The following SNCAIP variants were observed in gnomAD, a reference collection of about 807,000 sequenced individuals.
SNCAIP encodes synphilin-1.
Under a neutral mutation model 86.7 loss-of-function variants are expected in SNCAIP, and 43 were observed. That is an observed-to-expected ratio of 0.50 (90% confidence interval 0.39 to 0.64). The LOEUF (loss-of-function observed/expected upper bound fraction) is 0.64. Among genes scored for constraint, SNCAIP ranks in the 30% least tolerant of loss-of-function variants. SNCAIP has a pLI of 0.00. For synonymous variants in SNCAIP, 417 were observed against 427.2 expected (o/e 0.98, Z 0.29); for missense variants, 981 against 1,103.1 (o/e 0.89, Z 1.57).
chr5:122,376,132 G>A (rs138318925), intron 1 of SNCAIP, among the ~76,000 whole-genome samples: 5 of 152,146 alleles, frequency 3.3e-5, no homozygotes, highest in East Asian at 1.9e-4. Flanking sequence ...AGTGACTCTC[G>A]TGCACTCTAA....
At chr5:122,334,665 G>T (rs527262677) in intron 1 of SNCAIP, among the ~76,000 whole-genome samples, 2 of 152,116 alleles carry the variant, frequency 1.3e-5, no homozygotes, top group Non-Finnish European at 2.9e-5. Context: ...AGCCTAGACT[G>T]GGAACTGTGG....
chr5:122,359,386 CAG>C (rs1481342125), intron 1 of SNCAIP, among the ~76,000 whole-genome samples: 3 of 21,680 alleles, frequency 1.4e-4, no homozygotes, highest in African/African-American at 3.7e-4. Flanking sequence ...TATTTTGAGA[CAG>C]AGTCTTGCTC....
Position 122,449,913 on chromosome 5 carries a change from G to C in SNCAIP, c.1661G>C (p.Gly554Ala). The change falls in exon 9 of 11, where the codon GGC (glycine) becomes GCC (alanine). Residue 554 changes from glycine (G) to alanine (A), a missense_variant. Physicochemically the swap from Gly to Ala is moderately conservative, Grantham distance 60. Transcript: ENST00000261368. ...TTTCTAGAAGCCCAGAAATCAGAGG[G>C]CAAGTCACTCCCTTCTTCACCCAGG... is the stretch of plus-strand genomic sequence containing the variant. ...QQFLEAQKSE[G>A]KSLPSSPSSP... The C allele has an allele frequency of 1.2e-6, 2 of 1,613,098 alleles. No homozygotes were observed. Among genetic ancestry groups the C allele is most frequent in the Non-Finnish European group, 1.7e-6 (2 of 1,179,106 alleles).
At chr5:122,406,272 CT>C (rs771187726) in intron 3 of SNCAIP, among the ~76,000 whole-genome samples, 23 of 152,178 alleles carry the variant, frequency 1.5e-4, no homozygotes, top group Non-Finnish European at 2.8e-4. Flanking sequence ...CCTCCTCCCC[CT>C]GTCTTTCTTG....
intron 1 of SNCAIP, among the ~76,000 whole-genome samples, chr5:122,325,457 A>G (rs924437261): frequency 2.0e-5 from 3 of 152,176 alleles, no homozygotes; most frequent in Non-Finnish European, 4.4e-5. Flanking sequence ...GCCCTCCCCA[A>G]GCAACTTTAA....
chr5:122,446,530 A>G (rs541798366), intron 8 of SNCAIP, among the ~76,000 whole-genome samples: 1 of 152,332 alleles, frequency 6.6e-6, no homozygotes, highest in East Asian at 1.9e-4. Context: ...TAAAGTACAC[A>G]TATGTACTAG....
chr5:122,375,040 A>T (rs1022921149), intron 1 of SNCAIP, among the ~76,000 whole-genome samples: 1 of 152,240 alleles, frequency 6.6e-6, no homozygotes, highest in African/African-American at 2.4e-5. Context: ...AAATGAAAGC[A>T]TTGGATTAAA....
intron 1 of SNCAIP, among the ~76,000 whole-genome samples, chr5:122,370,617 T>C (rs796525099): frequency 6.6e-6 from 1 of 152,298 alleles, no homozygotes; most frequent in African/African-American, 2.4e-5. Flanking sequence ...AAAGTATTAT[T>C]CATCAGTCAA....
chr5:122,366,852 A>G (rs1763302693), intron 1 of SNCAIP, among the ~76,000 whole-genome samples: 1 of 152,166 alleles, frequency 6.6e-6, no homozygotes, highest in African/African-American at 2.4e-5. Context: ...ATTTTAGGTC[A>G]CTTTGACAGT....
chr5:122,440,911 C>T, intron 7 of SNCAIP, 157 bp downstream of exon 7: 1 of 732,710 alleles, frequency 1.4e-6, no homozygotes, highest in Non-Finnish European at 2.3e-6. Context: ...TTCCAGAAAT[C>T]CACACAAATG....
At chr5:122,323,046 G>C (rs892185962) in intron 1 of SNCAIP, among the ~76,000 whole-genome samples, 1 of 152,142 alleles carries the variant, frequency 6.6e-6, no homozygotes, top group Non-Finnish European at 1.5e-5. Flanking sequence ...TGGATTTGTC[G>C]AAGTGGTGAA....
At chr5:122,444,286 C>G in intron 7 of SNCAIP, 2 of 523,400 alleles carry the variant, frequency 3.8e-6, no homozygotes, top group Admixed American at 4.5e-5. Flanking sequence ...AACTCCCCAC[C>G]ACAAAGACTG....
rs541191012 is a variant in SNCAIP, at chr5:122,351,536, C to CAAAAAAAAAAAAAAAAAAAAAAA, written c.-47+39260_-47+39282dup. Reference sequence around the variant, plus strand: ...TGGGCAACAGAGTGAGACTCTGTATCAAAAAAAAAAAAAAAAAAAAAAAAA... The same window carrying CAAAAAAAAAAAAAAAAAAAAAAA: ...TGGGCAACAGAGTGAGACTCTGTATCAAAAAAAAAAAAAAAAAAAAAAAAAAAAAAAAAAAAAAAAAAAAAAAA... On this transcript the variant is annotated intron_variant, in intron 1 of 10. Coordinates refer to ENST00000261368, the MANE Select transcript of SNCAIP (RefSeq NM_005460.4). Among the ~76,000 whole-genome samples the CAAAAAAAAAAAAAAAAAAAAAAA allele has an allele frequency of 1.5e-3, 55 of 36,508 alleles. 8 individuals are homozygous for CAAAAAAAAAAAAAAAAAAAAAAA. The highest frequency in any genetic ancestry group is 3.1e-3 in the East Asian group (3 of 980). The allele number at this position is 36,508 out of a possible 152,430, so 24.0% of individuals were successfully genotyped here. A position where few individuals can be genotyped will look rare whatever the true frequency, so the allele number is the denominator to read the frequency against.
chr5:122,400,868 T>C (rs1771659924), intron 2 of SNCAIP: 3 of 1,060,640 alleles, frequency 2.8e-6, no homozygotes, highest in African/African-American at 1.6e-5. Context: ...AGATCAAAAG[T>C]CTATGTTCAC....
chr5:122,326,361 C>T (rs78110642), intron 1 of SNCAIP, among the ~76,000 whole-genome samples: 3,528 of 152,226 alleles, frequency 0.023, 143 homozygotes, highest in African/African-American at 0.081. Flanking sequence ...TTAGAGTCAT[C>T]TCATCTGTAA....
chr5:122,362,161 G>A (rs998138259), intron 1 of SNCAIP, among the ~76,000 whole-genome samples: 1 of 152,146 alleles, frequency 6.6e-6, no homozygotes, highest in Non-Finnish European at 1.5e-5. Flanking sequence ...CTTTGTTCCA[G>A]TCACTATTCT....
intron 1 of SNCAIP, among the ~76,000 whole-genome samples, chr5:122,344,487 G>A (rs192129199): frequency 6.8e-4 from 104 of 152,240 alleles, no homozygotes; most frequent in African/African-American, 1.9e-3. Context: ...TTCATGTCAA[G>A]CAAACAATGC....
At chr5:122,444,530 G>A (rs1781861091) in intron 7 of SNCAIP, 33 bp from the exon 8 acceptor site, 4 of 1,585,608 alleles carry the variant, frequency 2.5e-6, no homozygotes, top group Non-Finnish European at 3.5e-6. Context: ...GTACAGAGAT[G>A]TCCTGATACA....
intron 5 of SNCAIP, among the ~76,000 whole-genome samples, chr5:122,430,791 C>T (rs916931292): frequency 1.3e-5 from 2 of 151,908 alleles, no homozygotes; most frequent in African/African-American, 4.8e-5. Flanking sequence ...ATAAGAAAAT[C>T]CTACTCTTTT....
Sources: allele counts gnomAD v4.1 joint callset (sites outside exome capture counted in the v4.1 genomes callset), GRCh38; gene constraint gnomAD v4.1.1; transcripts MANE v1.5; gene names NCBI Gene and HGNC (gene_info 2026-07-23, HGNC 2026-07-21).